The following LDLRAD4 variants were observed in gnomAD, a reference collection of about 807,000 sequenced individuals.
The protein encoded by LDLRAD4 is low-density lipoprotein receptor class A domain-containing protein 4.
In LDLRAD4, 5 loss-of-function variants were observed where a neutral mutation model predicts 17.0. That is an observed-to-expected ratio of 0.29 (90% CI 0.15 to 0.62). The LOEUF (loss-of-function observed/expected upper bound fraction) is 0.62, where lower values mean the gene tolerates loss of function less well. Ranked by LOEUF, LDLRAD4 falls within the 20% of genes least tolerant of loss-of-function variation. LDLRAD4 has a pLI of 0.84. For missense variants in LDLRAD4, 340 were observed against 424.7 expected (o/e 0.80, Z 1.75); for synonymous variants, 168 against 171.8 (o/e 0.98, Z 0.17).
intron 1 of LDLRAD4, among the ~76,000 whole-genome samples, chr18:13,219,408 G>T (rs2041324613): frequency 6.6e-6 from 1 of 152,168 alleles, no homozygotes; most frequent in African/African-American, 2.4e-5. Flanking sequence ...TTTCCTCTGT[G>T]TCTTGGTCTA....
chr18:13,554,495 C>T (rs1568333519), intron 3 of LDLRAD4, among the ~76,000 whole-genome samples: 22 of 152,024 alleles, frequency 1.4e-4, no homozygotes. Flanking sequence ...AGTCAGGTCT[C>T]ATGTGTAAGG....
intron 3 of LDLRAD4, among the ~76,000 whole-genome samples, chr18:13,606,138 G>A (rs2095221751): frequency 6.6e-6 from 1 of 152,174 alleles, no homozygotes; most frequent in South Asian, 2.1e-4. Flanking sequence ...CCTAACACAG[G>A]TGGCAGGGTT....
chr18:13,552,231 G>A (rs1463969704), intron 3 of LDLRAD4, among the ~76,000 whole-genome samples: 1 of 152,232 alleles, frequency 6.6e-6, no homozygotes, highest in African/African-American at 2.4e-5. Flanking sequence ...CAGCCAGGTT[G>A]AGCATCTGCA....
At chr18:13,530,000 C>T (rs1164583644) in intron 3 of LDLRAD4, among the ~76,000 whole-genome samples, 2 of 152,144 alleles carry the variant, frequency 1.3e-5, no homozygotes, top group Non-Finnish European at 2.9e-5. Context: ...TTTGAGGTGA[C>T]TAGGTGGTAT....
intron 3 of LDLRAD4, among the ~76,000 whole-genome samples, chr18:13,506,611 A>C (rs1021478277): frequency 1.6e-4 from 24 of 152,170 alleles, no homozygotes; most frequent in African/African-American, 5.8e-4. Context: ...AGCTAAGATC[A>C]CTGATGAAGG....
intron 1 of LDLRAD4, among the ~76,000 whole-genome samples, chr18:13,319,106 AT>A (rs1048978512): frequency 2.6e-5 from 4 of 152,130 alleles, no homozygotes; most frequent in African/African-American, 9.7e-5. Flanking sequence ...TGCAGCTCTT[AT>A]TTCTCATGAA....
At chr18:13,530,368 A>G (rs573406475) in intron 3 of LDLRAD4, among the ~76,000 whole-genome samples, 8 of 152,360 alleles carry the variant, frequency 5.3e-5, no homozygotes, top group African/African-American at 1.9e-4. Context: ...CACAGCTGTT[A>G]ATGGACAGTC....
At chr18:13,496,837 G>A (rs374000909) in intron 3 of LDLRAD4, among the ~76,000 whole-genome samples, 34 of 152,310 alleles carry the variant, frequency 2.2e-4, no homozygotes, top group Non-Finnish European at 4.0e-4. Flanking sequence ...ATGCCCACAC[G>A]TCTATTTGTC....
At chr18:13,251,101 A>C (rs910283452) in intron 1 of LDLRAD4, among the ~76,000 whole-genome samples, 1 of 152,224 alleles carries the variant, frequency 6.6e-6, no homozygotes, top group Non-Finnish European at 1.5e-5. Context: ...TGATTAAATC[A>C]CATCAGCAGA....
At chr18:13,320,356 C>T (rs1263799733) in intron 1 of LDLRAD4, among the ~76,000 whole-genome samples, 1 of 152,202 alleles carries the variant, frequency 6.6e-6, no homozygotes, top group Non-Finnish European at 1.5e-5. Flanking sequence ...TCCGCTGCCT[C>T]TCATCTAGGA....
intron 1 of LDLRAD4, among the ~76,000 whole-genome samples, chr18:13,298,476 G>A (rs2046396015): frequency 6.7e-6 from 1 of 148,236 alleles, no homozygotes; most frequent in Non-Finnish European, 1.5e-5. Flanking sequence ...GCACGGTGAT[G>A]GAGCTGCTCC....
intron 1 of LDLRAD4, among the ~76,000 whole-genome samples, chr18:13,267,281 A>G (rs765040454): frequency 8.5e-5 from 13 of 152,144 alleles, no homozygotes; most frequent in South Asian, 2.1e-4. Context: ...TGGAAACTCT[A>G]CTTCTGATCA....
intron 3 of LDLRAD4, among the ~76,000 whole-genome samples, chr18:13,446,044 A>G (rs1419825409): frequency 6.6e-6 from 1 of 152,234 alleles, no homozygotes; most frequent in Non-Finnish European, 1.5e-5. Context: ...CCTGGCCCAC[A>G]GTACATGCTC....
intron 1 of LDLRAD4, among the ~76,000 whole-genome samples, chr18:13,376,500 G>T (rs2084921869): frequency 6.6e-6 from 1 of 152,182 alleles, no homozygotes; most frequent in South Asian, 2.1e-4. Flanking sequence ...GAATTCTCCT[G>T]CCTGGATCTG....
At chr18:13,470,440 C>T (rs1013474033) in intron 3 of LDLRAD4, among the ~76,000 whole-genome samples, 4 of 151,346 alleles carry the variant, frequency 2.6e-5, no homozygotes, top group African/African-American at 9.7e-5. Context: ...GGCACCTCAC[C>T]AACCCAGCAC....
At chr18:13,544,878 G>A (rs2094337431) in intron 3 of LDLRAD4, among the ~76,000 whole-genome samples, 1 of 105,786 alleles carries the variant, frequency 9.5e-6, no homozygotes, top group African/African-American at 3.7e-5. Context: ...GGCAGGTGAT[G>A]GTTTGTCTTT....
At chr18:13,624,836 G>A (rs1274054536) in intron 4 of LDLRAD4, among the ~76,000 whole-genome samples, 1 of 152,208 alleles carries the variant, frequency 6.6e-6, no homozygotes, top group Non-Finnish European at 1.5e-5. Context: ...CTGTCTCCTG[G>A]GCTCCCTGTG....
chr18:13,523,545 C>T (rs779502620), intron 3 of LDLRAD4, among the ~76,000 whole-genome samples: 18 of 152,208 alleles, frequency 1.2e-4, no homozygotes, highest in African/African-American at 1.9e-4. Flanking sequence ...CCCAGGCTGA[C>T]GGCTCAGTAT....
intron 3 of LDLRAD4, among the ~76,000 whole-genome samples, chr18:13,474,261 A>T (rs1355531875): frequency 6.6e-6 from 1 of 152,134 alleles, no homozygotes; most frequent in Non-Finnish European, 1.5e-5. Context: ...GGTATTTTTG[A>T]TAGCAGTGTA....
Sources: gnomAD v4.1 joint callset for allele counts (sites outside exome capture counted in the v4.1 genomes callset) on GRCh38, gnomAD v4.1.1 for gene constraint, MANE v1.5 for transcripts, NCBI Gene and HGNC (gene_info 2026-07-23, HGNC 2026-07-21) for gene names.